The following LRRC37A2 variants were observed in gnomAD, a reference collection of about 807,000 sequenced individuals.
LRRC37A2 encodes the protein leucine-rich repeat-containing protein 37A2.
In LRRC37A2, 9 loss-of-function variants were observed where a neutral mutation model predicts 68.8. The observed-to-expected ratio is 0.13, with a 90% CI of 0.08 to 0.23. The LOEUF (loss-of-function observed/expected upper bound fraction) is 0.23. Ranked by LOEUF, LRRC37A2 falls within the 10% of genes least tolerant of loss-of-function variation. The probability of loss-of-function intolerance (pLI) is 1.00; values close to 1 mark genes in which losing one functional copy is unlikely to be tolerated. For missense variants in LRRC37A2, 168 were observed against 950.4 expected, an observed-to-expected ratio of 0.18 and a Z score of 10.82; for synonymous variants, 63 against 367.6, an observed-to-expected ratio of 0.17 and a Z score of 9.48.
chr17:46,526,716 A>C (rs62073315), intron 6 of LRRC37A2, among the ~76,000 whole-genome samples: 32,719 of 103,746 alleles, frequency 0.32, 10,803 homozygotes, highest in Middle Eastern at 0.52. Flanking sequence ...AGAGCTTATT[A>C]GTGGACTTAA....
At chr17:46,832,281 C>A in the LRRC37A2 span, among the ~76,000 whole-genome samples, 3 of 152,132 alleles carry the variant, frequency 2.0e-5, no homozygotes, top group African/African-American at 7.2e-5. Context: ...GAGCCCCCAC[C>A]CCGGGCCGGC....
chr17:46,777,883 T>C, the LRRC37A2 span, among the ~76,000 whole-genome samples: 11 of 152,192 alleles, frequency 7.2e-5, no homozygotes, highest in Non-Finnish European at 1.3e-4. Flanking sequence ...TTTCCCTCTT[T>C]CCACCAAACC....
the LRRC37A2 span, among the ~76,000 whole-genome samples, chr17:46,962,576 A>G: frequency 1.3e-5 from 2 of 152,208 alleles, no homozygotes; most frequent in East Asian, 1.9e-4. Flanking sequence ...AAGTATAGCT[A>G]TGCTGCTGTC....
At chr17:46,932,539 C>T in the LRRC37A2 span, 4 of 529,536 alleles carry the variant, frequency 7.6e-6, no homozygotes, top group African/African-American at 1.9e-5. Flanking sequence ...AGAACTTAGG[C>T]CATTTGTAGA....
At chr17:46,846,938 C>T in the LRRC37A2 span, among the ~76,000 whole-genome samples, 1 of 152,216 alleles carries the variant, frequency 6.6e-6, no homozygotes, top group African/African-American at 2.4e-5. Flanking sequence ...CAGAGGACTC[C>T]AGTCCAGAAA....
At chr17:46,517,057 G>GT (rs2051479272) in intron 2 of LRRC37A2, 1 of 587,684 alleles carries the variant, frequency 1.7e-6, no homozygotes, top group African/African-American at 2.2e-5. Flanking sequence ...GTAGAAGTCT[G>GT]TTTAGACACA....
At chr17:46,935,220 C>T in the LRRC37A2 span, 2 of 1,609,886 alleles carry the variant, frequency 1.2e-6, no homozygotes, top group Non-Finnish European at 1.7e-6. Flanking sequence ...TTAGCCTCAT[C>T]CAACAGTTTA....
chr17:46,844,856 T>C, the LRRC37A2 span, among the ~76,000 whole-genome samples: 1 of 152,142 alleles, frequency 6.6e-6, no homozygotes, highest in Admixed American at 6.6e-5. Context: ...TTCTTTTTTA[T>C]TTTTTGGAGA....
the LRRC37A2 span, among the ~76,000 whole-genome samples, chr17:46,839,611 C>A: frequency 2.0e-5 from 3 of 152,142 alleles, no homozygotes; most frequent in Non-Finnish European, 4.4e-5. Flanking sequence ...TATACATGTG[C>A]CATGTTGATG....
chr17:47,009,607 A>T, the LRRC37A2 span, among the ~76,000 whole-genome samples: 1 of 152,198 alleles, frequency 6.6e-6, no homozygotes, highest in Non-Finnish European at 1.5e-5. Flanking sequence ...CTCTACAGAG[A>T]CGCATTCATT....
the LRRC37A2 span, among the ~76,000 whole-genome samples, chr17:46,999,432 T>G: frequency 6.6e-6 from 1 of 152,078 alleles, no homozygotes; most frequent in African/African-American, 2.4e-5. Flanking sequence ...TACTGCAGCC[T>G]TGAACTCCCA....
At chr17:46,907,693 A>AAAAC in the LRRC37A2 span, among the ~76,000 whole-genome samples, 10 of 135,550 alleles carry the variant, frequency 7.4e-5, no homozygotes, top group South Asian at 2.5e-4. Context: ...AAAAAACAAA[A>AAAAC]AACCCAAAAT....
At chr17:46,813,033 C>T in the LRRC37A2 span, among the ~76,000 whole-genome samples, 2 of 152,080 alleles carry the variant, frequency 1.3e-5, no homozygotes, top group Non-Finnish European at 2.9e-5. Flanking sequence ...GGCCTGGCTC[C>T]AGAAGAGTGG....
At chr17:46,975,052 T>C in the LRRC37A2 span, 1 of 149,510 alleles carries the variant, frequency 6.7e-6, no homozygotes, top group African/African-American at 2.5e-5. Context: ...AAATGTACTT[T>C]AGGGAAAGAG....
chr17:46,551,256 T>C (rs908133033), intron 11 of LRRC37A2, among the ~76,000 whole-genome samples: 2 of 149,444 alleles, frequency 1.3e-5, no homozygotes, highest in African/African-American at 2.6e-5. Flanking sequence ...ACAGTGCCCA[T>C]TCCTGGAGCT....
chr17:46,864,516 C>G, the LRRC37A2 span, among the ~76,000 whole-genome samples: 5 of 152,268 alleles, frequency 3.3e-5, no homozygotes, highest in African/African-American at 1.2e-4. Context: ...AGTTTCAGAC[C>G]AGGGAAAGTA....
the LRRC37A2 span, among the ~76,000 whole-genome samples, chr17:46,866,412 GTGTA>G: frequency 6.6e-5 from 10 of 152,090 alleles, no homozygotes; most frequent in Admixed American, 2.0e-4. Flanking sequence ...GTGTGCATGA[GTGTA>G]TGTGCGAGTA....
At chr17:46,946,439 C>G in the LRRC37A2 span, among the ~76,000 whole-genome samples, 5 of 107,534 alleles carry the variant, frequency 4.6e-5, no homozygotes, top group Non-Finnish European at 8.8e-5. Flanking sequence ...CCAGCCTAGG[C>G]AAGAAGAGCA....
chr17:47,003,790 A>G, the LRRC37A2 span, among the ~76,000 whole-genome samples: 1 of 151,956 alleles, frequency 6.6e-6, no homozygotes, highest in Non-Finnish European at 1.5e-5. Flanking sequence ...TTACATATGT[A>G]TATATGTGCC....
Sources: allele counts gnomAD v4.1 joint callset (sites outside exome capture counted in the v4.1 genomes callset), GRCh38; gene constraint gnomAD v4.1.1; transcripts MANE v1.5; gene names NCBI Gene and HGNC (gene_info 2026-07-23, HGNC 2026-07-21).